PACRG: variants seen among roughly 807,000 people sequenced by gnomAD.
PACRG encodes the protein parkin coregulated gene protein.
In PACRG, 29 loss-of-function variants were observed where a neutral mutation model predicts 29.7. That is an observed-to-expected ratio of 0.98 (90% confidence interval 0.73 to 1.33). PACRG has a LOEUF of 1.33. Among genes scored for constraint, PACRG ranks in the 40% most tolerant of loss-of-function variants. The probability of loss-of-function intolerance (pLI) is 0.00; values close to 1 mark genes in which losing one functional copy is unlikely to be tolerated. For synonymous variants in PACRG, 116 were observed against 118.7 expected (o/e 0.98, Z 0.15); for missense variants, 279 against 316.2 (o/e 0.88, Z 0.89).
intron 4 of PACRG, chr6:163,312,683 T>C: frequency 3.1e-6 from 1 of 323,030 alleles, no homozygotes; most frequent in South Asian, 2.3e-5. Flanking sequence ...GTTGTTTTCC[T>C]CAAAAACAAT....
chr6:162,736,547 C>A (rs979071243), intron 1 of PACRG, among the ~76,000 whole-genome samples: 1 of 151,930 alleles, frequency 6.6e-6, no homozygotes, highest in Non-Finnish European at 1.5e-5. Flanking sequence ...TGAAGGGAAT[C>A]ATGTTTGGTG....
intron 2 of PACRG, among the ~76,000 whole-genome samples, chr6:163,024,286 G>A (rs557045927): frequency 8.1e-4 from 124 of 152,238 alleles, no homozygotes; most frequent in Non-Finnish European, 1.0e-3. Flanking sequence ...CTTCTAGCTA[G>A]CATATGACTA....
intron 3 of PACRG, among the ~76,000 whole-genome samples, chr6:163,072,156 C>A (rs1812124565): frequency 6.6e-6 from 1 of 150,946 alleles, no homozygotes; most frequent in Non-Finnish European, 1.5e-5. Flanking sequence ...AAAGAAAACC[C>A]AAGCTAATGT....
intron 2 of PACRG, among the ~76,000 whole-genome samples, chr6:162,862,417 C>T (rs1791938827): frequency 6.6e-6 from 1 of 152,196 alleles, no homozygotes; most frequent in African/African-American, 2.4e-5. Flanking sequence ...ATACTTTATA[C>T]AGCAGAAGAA....
At chr6:163,011,647 G>A (rs1353730568) in intron 2 of PACRG, among the ~76,000 whole-genome samples, 1 of 151,988 alleles carries the variant, frequency 6.6e-6, no homozygotes, top group Non-Finnish European at 1.5e-5. Flanking sequence ...ATTAACCTTA[G>A]CTCACTGTAA....
chr6:163,116,626 G>A (rs981797366), intron 4 of PACRG, among the ~76,000 whole-genome samples: 1 of 151,318 alleles, frequency 6.6e-6, no homozygotes. Flanking sequence ...TCTTTTGAAA[G>A]AAACGAGTGT....
chr6:162,864,937 TA>T lies in PACRG; in HGVS notation c.291+50657del, dbSNP rs766105301. ...TTTGTTTCATTTCCTGTCCAAAGAATATTTTTTTAACCAAAGAATCCAGTAG... is the reference window on the plus strand; with the variant it reads ...TTTGTTTCATTTCCTGTCCAAAGAATTTTTTTTAACCAAAGAATCCAGTAG... On this transcript the variant is annotated intron_variant, in intron 2 of 4. Transcript: ENST00000366888. 8.5e-5 allele frequency among the ~76,000 whole-genome samples: 13 copies of T among 152,338 alleles called. No individual in the cohort carries two copies. In the East Asian group the frequency reaches 1.4e-3, roughly 16 times the overall value.
chr6:162,807,493 T>C (rs1020231634), intron 1 of PACRG, among the ~76,000 whole-genome samples: 1 of 152,164 alleles, frequency 6.6e-6, no homozygotes, highest in African/African-American at 2.4e-5. Context: ...ATTTCAATAT[T>C]GTTCTGTCTC....
chr6:162,989,327 G>A (rs998685765), intron 2 of PACRG, among the ~76,000 whole-genome samples: 18 of 152,248 alleles, frequency 1.2e-4, no homozygotes, highest in Admixed American at 3.9e-4. Context: ...GGATCCTGAG[G>A]ATACCTGACA....
intron 2 of PACRG, among the ~76,000 whole-genome samples, chr6:162,971,174 G>A (rs1435585498): frequency 1.3e-5 from 2 of 152,224 alleles, no homozygotes; most frequent in African/African-American, 4.8e-5. Context: ...GTTTTAGAGA[G>A]GGAAGGTAGC....
intron 2 of PACRG, among the ~76,000 whole-genome samples, chr6:162,930,140 A>G (rs1181689737): frequency 4.6e-5 from 7 of 152,036 alleles, no homozygotes; most frequent in Non-Finnish European, 7.4e-5. Flanking sequence ...TAAGAATGTC[A>G]TTGGTATTTT....
intron 4 of PACRG, among the ~76,000 whole-genome samples, chr6:163,175,918 C>T (rs576261614): frequency 1.2e-4 from 18 of 152,306 alleles, no homozygotes; most frequent in South Asian, 2.1e-4. Context: ...CTCAGATACT[C>T]GAATCATTCC....
intron 4 of PACRG, among the ~76,000 whole-genome samples, chr6:163,219,523 C>G (rs986825305): frequency 6.6e-6 from 1 of 152,154 alleles, no homozygotes; most frequent in Non-Finnish European, 1.5e-5. Context: ...TACATTAATC[C>G]CATCATGCCA....
At chr6:162,964,597 G>A (rs1701787548) in intron 2 of PACRG, among the ~76,000 whole-genome samples, 2 of 152,164 alleles carry the variant, frequency 1.3e-5, no homozygotes, top group East Asian at 1.9e-4. Flanking sequence ...CAAGTTAACT[G>A]CACACAGCAA....
At chr6:163,094,880 A>G (rs1489364884) in intron 4 of PACRG, among the ~76,000 whole-genome samples, 1 of 152,190 alleles carries the variant, frequency 6.6e-6, no homozygotes, top group African/African-American at 2.4e-5. Context: ...ATCCTTTTCC[A>G]CATATAGCAA....
chr6:163,285,985 T>C (rs1175583310), intron 4 of PACRG, among the ~76,000 whole-genome samples: 2 of 152,234 alleles, frequency 1.3e-5, no homozygotes, highest in African/African-American at 4.8e-5. Flanking sequence ...CTCTATTGCA[T>C]GGTTCTGTCG....
intron 4 of PACRG, among the ~76,000 whole-genome samples, chr6:163,153,431 C>A (rs1037953186): frequency 4.6e-5 from 7 of 152,182 alleles, no homozygotes; most frequent in Non-Finnish European, 7.4e-5. Flanking sequence ...TTAAAATGCT[C>A]CTTTCAAAAT....
intron 1 of PACRG, among the ~76,000 whole-genome samples, chr6:162,749,443 A>T (rs1781346975): frequency 6.6e-6 from 1 of 152,204 alleles, no homozygotes; most frequent in Non-Finnish European, 1.5e-5. Flanking sequence ...TATAGTTTAT[A>T]CTTATTACAG....
chr6:163,196,167 C>A lies in PACRG; in HGVS notation c.613+106759C>A, dbSNP rs570253803. On this transcript the variant is annotated intron_variant, in intron 4 of 4. Transcript: ENST00000366888. Reference sequence around the variant, plus strand: ...TTCCGCGAGAACGTTCCCTGATCATCTAGAGTTAGGGAAGTAGAACCGTGC... The same window carrying A: ...TTCCGCGAGAACGTTCCCTGATCATATAGAGTTAGGGAAGTAGAACCGTGC... 4.6e-5 allele frequency among the ~76,000 whole-genome samples: 7 copies of A among 152,356 alleles called. No homozygotes were observed. In the South Asian group the frequency reaches 1.4e-3, roughly 32 times the overall value.
Sources: allele counts gnomAD v4.1 joint callset (sites outside exome capture counted in the v4.1 genomes callset), GRCh38; gene constraint gnomAD v4.1.1; transcripts MANE v1.5; gene names NCBI Gene and HGNC (gene_info 2026-07-23, HGNC 2026-07-21).